PPP6R1: variants seen among roughly 807,000 people sequenced by gnomAD.
PPP6R1 encodes protein phosphatase 6 regulatory subunit 1, also known as serine/threonine-protein phosphatase 6 regulatory subunit 1.
PPP6R1 carries 39 observed loss-of-function variants against 104.6 expected under a neutral mutation model. That is an observed-to-expected ratio of 0.37 (90% CI 0.29 to 0.49). PPP6R1 has a LOEUF of 0.49. Ranked by LOEUF, PPP6R1 falls within the 20% of genes least tolerant of loss-of-function variation. The pLI is 0.98. For missense variants in PPP6R1, 1,181 were observed against 1,155.8 expected, an observed-to-expected ratio of 1.02 and a Z score of -0.32; for synonymous variants, 549 against 479.0, an observed-to-expected ratio of 1.15 and a Z score of -1.91.
At position 55,236,672 on chromosome 19, in the gene PPP6R1, C is replaced by A. The variant is rs755876470; in HGVS notation, c.1959G>T (p.Gly653=). 1.3e-6 allele frequency: 2 copies of A among 1,591,696 alleles called. No individual in the cohort carries two copies. The highest frequency in any genetic ancestry group is 1.7e-6 in the Non-Finnish European group (2 of 1,170,506). ...GAWQGSQLAR[G]ARLGQPPGVR... Reference sequence around the variant, plus strand: ...CACCAGGTGGCTGGCCCAGACGGGCCCCCCTGGCCAGCTGGCTGCCCTGCC... The same window carrying A: ...CACCAGGTGGCTGGCCCAGACGGGCACCCCTGGCCAGCTGGCTGCCCTGCC... The change falls in exon 17 of 24, where the codon GGG becomes GGT. Residue 653 remains glycine (G), a synonymous_variant. Coordinates refer to ENST00000412770, the MANE Select transcript of PPP6R1 (RefSeq NM_014931.4).
intron 1 of PPP6R1, among the ~76,000 whole-genome samples, chr19:55,251,805 G>C (rs1295771862): frequency 6.6e-6 from 1 of 152,170 alleles, no homozygotes; most frequent in Admixed American, 6.5e-5. Flanking sequence ...GAAGCGGGAG[G>C]GGGAATGGAT....
chr19:55,245,197 A>G lies in PPP6R1; in HGVS notation c.553-12T>C, dbSNP rs1457687293. ...TCCTCGTTGAGCCACTGAGGGTGAG[A>G]AGGCGAGGGATGCATCGCTGTCCAC... On this transcript the variant is annotated splice_polypyrimidine_tract_variant and intron_variant, in intron 4 of 23. Coordinates refer to ENST00000412770, the MANE Select transcript of PPP6R1 (RefSeq NM_014931.4). The surrounding 1 kb of genome is among the most constrained non-coding windows in gnomAD (Gnocchi z 6.4). The G allele has an allele frequency of 6.2e-7, 1 of 1,611,966 alleles. No individual in the cohort carries two copies. The highest frequency in any genetic ancestry group is 8.5e-7 in the Non-Finnish European group (1 of 1,179,206).
In PPP6R1 at chr19:55,241,518, G is replaced by A. The variant is rs748962055; in HGVS notation, c.967C>T (p.Arg323Trp). 6.9e-6 allele frequency: 11 copies of A among 1,587,728 alleles called. No individual in the cohort carries two copies. The highest frequency in any genetic ancestry group is 4.6e-5 in the East Asian group (2 of 43,260). The change falls in exon 8 of 24, where the codon CGG becomes TGG. Residue 323 changes from arginine (R) to tryptophan (W), a missense_variant. Arg to Trp is a moderately radical substitution (Grantham distance 101, BLOSUM62 -3). This residue lies in a region of PPP6R1 where 1,042 missense variants were observed against 955.6 expected (regional missense o/e 1.09). Transcript: ENST00000412770. The surrounding 1 kb of genome is among the most constrained non-coding windows in gnomAD (Gnocchi z 5.4). Reference protein sequence around the residue: ...SVGALHALRPRLSCFHQLLLE... With the variant: ...SVGALHALRPWLSCFHQLLLE... The stretch of plus-strand genomic sequence containing the variant: ...AGGAGCTGGTGGAAGCAGCTGAGCC[G>A]CGGGCGTAGGGCGTGCAAGGCGCCC...
chr19:55,230,508 G>A lies in PPP6R1; in HGVS notation c.*20C>T, dbSNP rs375024741. 2.6e-5 allele frequency: 42 copies of A among 1,612,882 alleles called. No homozygotes were observed. Among genetic ancestry groups the A allele is most frequent in the Admixed American group, 2.5e-4 (15 of 59,978 alleles). ...CCACGGGAGGACGGAAGATTTGGCC[G>A]CCGCTGCCGCACCAGGCAGCTATCT... is the stretch of plus-strand genomic sequence containing the variant. On this transcript the variant is annotated 3_prime_UTR_variant, in exon 24 of 24. Transcript: ENST00000412770.
chr19:55,228,307 G>A (rs773692100), downstream of PPP6R1: 1 of 1,613,648 alleles, frequency 6.2e-7, no homozygotes, highest in African/African-American at 1.3e-5. Context: ...CAGGAACCCA[G>A]CCAGGCAGAG....
chr19:55,239,002 G>A (rs1600107490), intron 15 of PPP6R1: 1 of 206,540 alleles, frequency 4.8e-6, no homozygotes, highest in East Asian at 1.3e-4. Flanking sequence ...AGACTCCTGA[G>A]CCAGAGGGCA....
At chr19:55,253,620 G>A (rs1204117465) in intron 1 of PPP6R1, among the ~76,000 whole-genome samples, 1 of 152,206 alleles carries the variant, frequency 6.6e-6, no homozygotes, top group Non-Finnish European at 1.5e-5. Context: ...TAGACTGAAA[G>A]GCTCAAATGC....
intron 1 of PPP6R1, among the ~76,000 whole-genome samples, chr19:55,257,571 T>C (rs539947810): frequency 8.0e-4 from 121 of 150,576 alleles, no homozygotes; most frequent in African/African-American, 2.9e-3. Flanking sequence ...TGCTGCTCCT[T>C]CCCCCCCCGG....
At chr19:55,250,553 G>C (rs920811648) in intron 1 of PPP6R1, among the ~76,000 whole-genome samples, 7 of 152,148 alleles carry the variant, frequency 4.6e-5, no homozygotes, top group African/African-American at 1.4e-4. Flanking sequence ...GAAGGGACCT[G>C]TCTGGATGGT....
rs1187596849 is a variant in PPP6R1, at chr19:55,245,276, C to T, written c.541G>A (p.Asp181Asn). ...CCGGCCCTGCTCACATTGACAACAT[C>T]CTGCCTCAGCTGAGGCCGCTCCACA... ...TCVERPQLRQ[D>N]VVNWLNEEKI... Residue 181 changes from aspartate to asparagine, a missense_variant, in exon 4 of 24, where the codon GAT becomes AAT. Asp to Asn is a conservative substitution (Grantham distance 23). This residue lies in a region of PPP6R1 where 1,042 missense variants were observed against 955.6 expected (regional missense o/e 1.09). Transcript: ENST00000412770. The surrounding 1 kb of genome is among the most constrained non-coding windows in gnomAD (Gnocchi z 6.4). The T allele has an allele frequency of 3.8e-6, 6 of 1,597,884 alleles. No individual in the cohort carries two copies. The highest frequency in any genetic ancestry group is 5.1e-6 in the Non-Finnish European group (6 of 1,172,708).
At chr19:55,242,733 T>A in intron 5 of PPP6R1, 1 of 503,550 alleles carries the variant, frequency 2.0e-6, no homozygotes, top group South Asian at 2.0e-5. Context: ...CATGACCGCA[T>A]ACAGGGCTGG....
chr19:55,245,060 G>C lies in PPP6R1; in HGVS notation c.618+60C>G. 6.3e-7 allele frequency: 1 copy of C among 1,587,556 alleles called. No individual in the cohort carries two copies. Among genetic ancestry groups the C allele is most frequent in the South Asian group, 1.1e-5 (1 of 87,798 alleles). On this transcript the variant is annotated intron_variant, in intron 5 of 23. Transcript: ENST00000412770. The surrounding 1 kb of genome is among the most constrained non-coding windows in gnomAD (Gnocchi z 6.4). ...GCCCCAATTCCTCTTTTAAAAGTGG[G>C]GAAGTGGGCATGGGGAAGGAACTCT...
At chr19:55,242,348 C>T (rs544056480) in intron 6 of PPP6R1, 28 bp downstream of exon 6, 4 of 1,612,234 alleles carry the variant, frequency 2.5e-6, no homozygotes, top group African/African-American at 1.3e-5. Context: ...TCAGCTCCCC[C>T]CAGCCTTAGC....
chr19:55,247,559 C>T (rs747652929), intron 1 of PPP6R1, among the ~76,000 whole-genome samples: 1 of 152,230 alleles, frequency 6.6e-6, no homozygotes, highest in Non-Finnish European at 1.5e-5. Flanking sequence ...AGAGACACTG[C>T]AGAGGCAGGG....
intron 15 of PPP6R1, chr19:55,238,927 T>C (rs1014929704): frequency 3.0e-5 from 5 of 164,074 alleles, no homozygotes; most frequent in Non-Finnish European, 5.3e-5. Context: ...GAATTGGTAA[T>C]TGGAAAAAAA....
In PPP6R1 at chr19:55,242,431, T is replaced by C; in HGVS notation, c.676A>G (p.Met226Val). 3 of 1,614,020 alleles carry C rather than the reference T, an allele frequency of 1.9e-6. No individual in the cohort carries two copies. The highest frequency in any genetic ancestry group is 8.5e-7 in the Non-Finnish European group (1 of 1,179,886). The change falls in exon 6 of 24, where the codon ATG (methionine) becomes GTG (valine). Residue 226 changes from methionine (M) to valine (V), a missense_variant. By Grantham distance (21) the Met-to-Val change is conservative. Around this residue, in one of 2 missense-constraint regions of PPP6R1, gnomAD observed 1,042 missense variants for 955.6 expected, o/e 1.09. Transcript: ENST00000412770. ...CDIIRLSREQMIQVQDSPEPD... is the reference protein window; with the variant it reads ...CDIIRLSREQVIQVQDSPEPD... The stretch of plus-strand genomic sequence containing the variant: ...TCTGGGCTGTCCTGGACTTGGATCA[T>C]CTGCTCCCGGCTCAGGCGGATGATG...
Position 55,245,440 on chromosome 19 carries a change from C to T in PPP6R1, c.415-38G>A, listed in dbSNP as rs1208379183. The T allele has an allele frequency of 1.2e-6, 2 of 1,612,144 alleles. No homozygotes were observed. The highest frequency in any genetic ancestry group is 2.2e-5 in the South Asian group (2 of 90,848). On this transcript the variant is annotated intron_variant, in intron 3 of 23. Transcript: ENST00000412770. The surrounding 1 kb of genome is among the most constrained non-coding windows in gnomAD (Gnocchi z 6.4). ...GGGCTGCGTCATGCACAGGGCCTGGCCCAGCCACCACCCCTCAACCCACGG... is the reference window on the plus strand; with the variant it reads ...GGGCTGCGTCATGCACAGGGCCTGGTCCAGCCACCACCCCTCAACCCACGG...
chr19:55,242,032 G>T, intron 7 of PPP6R1, 134 bp downstream of exon 7: 2 of 809,510 alleles, frequency 2.5e-6, no homozygotes, highest in South Asian at 3.1e-5. Context: ...CCACTGTGCA[G>T]GGAGCACAGG....
Position 55,245,253 on chromosome 19 carries a change from G to A in PPP6R1, c.552+12C>T, listed in dbSNP as rs376431214. The A allele has an allele frequency of 6.1e-5, 97 of 1,595,994 alleles. No individual in the cohort carries two copies. Among genetic ancestry groups the A allele is most frequent in the Middle Eastern group, 1.7e-4 (1 of 6,054 alleles). On this transcript the variant is annotated intron_variant, in intron 4 of 23. Coordinates refer to ENST00000412770, the MANE Select transcript of PPP6R1 (RefSeq NM_014931.4). This position sits in a 1 kb window ranked among gnomAD's most constrained non-coding sequence, Gnocchi z 6.4. ...CCAGCCCCCCACCCCCAGAGGAGCC[G>A]GCCCTGCTCACATTGACAACATCCT...
Sources: gnomAD v4.1 joint callset for allele counts (sites outside exome capture counted in the v4.1 genomes callset) on GRCh38, gnomAD v4.1.1 for gene constraint, gnomAD v4.1.1 regional missense constraint, Gnocchi (gnomAD v3.1) non-coding constraint, MANE v1.5 for transcripts, NCBI Gene and HGNC (gene_info 2026-07-23, HGNC 2026-07-21) for gene names.